The following EWSR1 variants were observed in gnomAD, a reference collection of about 807,000 sequenced individuals.
The protein encoded by EWSR1 is EWS RNA binding protein 1.
A neutral mutation model predicts 92.1 loss-of-function variants in EWSR1; 14 were observed. The observed-to-expected ratio is 0.15, with a 90% CI of 0.10 to 0.24. The LOEUF (loss-of-function observed/expected upper bound fraction) is 0.24. EWSR1 is among the 10% of genes least tolerant of loss of function. The pLI, the probability that EWSR1 is intolerant of heterozygous loss-of-function variation, is 1.00. For missense variants in EWSR1, 637 were observed against 870.9 expected, an observed-to-expected ratio of 0.73 and a Z score of 3.38; for synonymous variants, 303 against 292.9, an observed-to-expected ratio of 1.03 and a Z score of -0.35.
chr22:29,293,006 C>T (rs989959373), intron 11 of EWSR1, among the ~76,000 whole-genome samples: 4 of 152,092 alleles, frequency 2.6e-5, no homozygotes, highest in Non-Finnish European at 4.4e-5. Flanking sequence ...CACCTTGGCG[C>T]CTCCCAAAGT....
chr22:29,299,192 T>C, intron 14 of EWSR1, 42 bp from the exon 15 acceptor site: 1 of 1,613,960 alleles, frequency 6.2e-7, no homozygotes, highest in South Asian at 1.1e-5. Flanking sequence ...TTATCTTCCT[T>C]AGTTCAATTG....
In EWSR1 at chr22:29,292,536, T is replaced by C. The variant is rs1327035600; in HGVS notation, c.1094T>C (p.Val365Ala). The change falls in exon 11 of 17, where the codon GTA (valine) becomes GCA (alanine). Residue 365 changes from valine (V) to alanine (A), a missense_variant. Val to Ala is a moderately conservative substitution (Grantham distance 64). Transcript: ENST00000397938. ...DEDSDNSAIYVQGLNDSVTLD... is the reference protein window; with the variant it reads ...DEDSDNSAIYAQGLNDSVTLD... ...GACTCTGACAACAGTGCAATTTATG[T>C]ACAAGGATTAAATGACAGTGTGACT... 3 of 1,613,932 alleles carry C rather than the reference T, an allele frequency of 1.9e-6. No homozygotes were observed. The highest frequency in any genetic ancestry group is 1.7e-5 in the Admixed American group (1 of 60,000).
intron 6 of EWSR1, among the ~76,000 whole-genome samples, chr22:29,284,818 T>A (rs200677851): frequency 6.6e-6 from 1 of 151,108 alleles, no homozygotes; most frequent in Middle Eastern, 3.2e-3. Context: ...TTTTTGTGTG[T>A]GTTTTGTTTT....
intron 4 of EWSR1, chr22:29,275,958 A>G (rs2059085861): frequency 4.4e-6 from 1 of 225,086 alleles, no homozygotes; most frequent in African/African-American, 2.3e-5. Context: ...TCATTAAATC[A>G]TTTTGCTCTG....
At position 29,272,162 on chromosome 22, in the gene EWSR1, CTT is replaced by C. The variant is rs1408486238; in HGVS notation, c.14-53_14-52del. ...CGTGAATTCTTTCCCCCTTTTTTCT[CTT>C]CTCCTTGTTTCTGCTAACTTTACAC... On this transcript the variant is annotated intron_variant, in intron 1 of 16. Coordinates refer to ENST00000397938, the MANE Select transcript of EWSR1 (RefSeq NM_005243.4). 5.2e-6 allele frequency: 8 copies of C among 1,534,158 alleles called. No homozygotes were observed. The African/African-American group carries it at 9.6e-5, about 19-fold the overall frequency.
chr22:29,269,752 C>T (rs1234949306), intron 1 of EWSR1: 1 of 152,234 alleles, frequency 6.6e-6, no homozygotes, highest in African/African-American at 2.4e-5. Flanking sequence ...CAGCTAACCT[C>T]CCGGTGGGAA....
intron 1 of EWSR1, among the ~76,000 whole-genome samples, 162 bp downstream of exon 1, chr22:29,268,511 C>T (rs1390887643): frequency 1.3e-5 from 2 of 152,204 alleles, no homozygotes; most frequent in African/African-American, 2.4e-5. Flanking sequence ...TTCCTCTCCC[C>T]TCCCCCAACC....
rs111728672 is a variant in EWSR1, at chr22:29,280,363, C to G, written c.414-2027C>G. On this transcript the variant is annotated intron_variant, in intron 5 of 16. Coordinates refer to ENST00000397938, the MANE Select transcript of EWSR1 (RefSeq NM_005243.4). ...GATTACAGGTGTGAGCCACCGCACC[C>G]GGCCTGCCTGTTGATTCTTTGGACT... is the stretch of plus-strand genomic sequence containing the variant. 5.2e-3 allele frequency among the ~76,000 whole-genome samples: 797 copies of G among 152,242 alleles called. 6 individuals are homozygous for G. The highest frequency in any genetic ancestry group is 0.018 in the African/African-American group (758 of 41,518).
intron 1 of EWSR1, 67 bp from the exon 2 acceptor site, chr22:29,272,149 C>A: frequency 7.0e-7 from 1 of 1,423,322 alleles, no homozygotes; most frequent in Non-Finnish European, 9.9e-7. Context: ...TGAATTCTTT[C>A]CCCCTTTTTT....
chr22:29,275,907 C>A, intron 4 of EWSR1: 1 of 227,694 alleles, frequency 4.4e-6, no homozygotes, highest in Non-Finnish European at 8.6e-6. Context: ...CTTTTTTTGC[C>A]ACTGGTCTTT....
rs2060517259 is a variant in EWSR1 at position 29,292,610 on chromosome 22, A to G, written c.1164+4A>G. ...TAAGCAGTGTGGGGTTGTTAAGGTC[A>G]GTAAAAGCATAACCAGGTCATCTGG... On this transcript the variant is annotated splice_donor_region_variant and intron_variant, in intron 11 of 16. Coordinates refer to ENST00000397938, the MANE Select transcript of EWSR1 (RefSeq NM_005243.4). 1 of 1,577,306 alleles carries G rather than the reference A, an allele frequency of 6.3e-7. No individual in the cohort carries two copies. Among genetic ancestry groups the G allele is most frequent in the Non-Finnish European group, 8.7e-7 (1 of 1,147,196 alleles).
intron 7 of EWSR1, 123 bp from the exon 8 acceptor site, chr22:29,288,483 T>G: frequency 1.2e-6 from 1 of 848,970 alleles, no homozygotes; most frequent in Non-Finnish European, 1.8e-6. Context: ...TTTATCGTGA[T>G]GTAAAGAAGA....
Position 29,268,318 on chromosome 22 carries a change from C to G in EWSR1, c.-19C>G, listed in dbSNP as rs201886504. ...GAGAGGGAGACGGACGTTGAGAGAA[C>G]GAGGAGGAAGGAGAGAAAATGGCGT... On this transcript the variant is annotated 5_prime_UTR_variant, in exon 1 of 17. Coordinates refer to ENST00000397938, the MANE Select transcript of EWSR1 (RefSeq NM_005243.4). 375 of 1,613,668 alleles carry G rather than the reference C, an allele frequency of 2.3e-4. 1 individual carries two copies. Among genetic ancestry groups the G allele is most frequent in the Non-Finnish European group, 3.0e-4 (354 of 1,179,606 alleles).
At chr22:29,296,027 T>C in intron 11 of EWSR1, 1 of 521,418 alleles carries the variant, frequency 1.9e-6, no homozygotes, top group East Asian at 3.4e-5. Flanking sequence ...TCCTGTTCAC[T>C]TCCACACTTT....
chr22:29,285,984 C>T (rs573952806), intron 6 of EWSR1, among the ~76,000 whole-genome samples: 10 of 151,810 alleles, frequency 6.6e-5, no homozygotes, highest in African/African-American at 2.2e-4. Flanking sequence ...ACTACAGGCG[C>T]CCACCACCAG....
At chr22:29,291,437 G>A (rs2060434288) in intron 8 of EWSR1, 125 bp from the exon 9 acceptor site, 2 of 853,332 alleles carry the variant, frequency 2.3e-6, no homozygotes, top group South Asian at 1.9e-5. Context: ...GTGACAAGAT[G>A]AGAGAGATGC....
chr22:29,277,016 G>A (rs1161383090), intron 4 of EWSR1: 1 of 230,770 alleles, frequency 4.3e-6, no homozygotes, highest in Non-Finnish European at 8.6e-6. Context: ...TACAGGAAAG[G>A]TACTCTAGTT....
In EWSR1 at chr22:29,272,383, C is replaced by T. The variant is rs1269712763; in HGVS notation, c.54C>T (p.Tyr18=). Residue 18 remains tyrosine (Y), a synonymous_variant, in exon 3 of 17, where the codon TAC becomes TAT. Transcript: ENST00000397938. ...TYSQAAAQQG[Y]SAYTAQPTQG... The stretch of plus-strand genomic sequence containing the variant: ...ATTGCATTTAATTCTTTTGCAGCTA[C>T]AGTGCTTACACCGCCCAGCCCACTC... 10 of 1,613,536 alleles carry T rather than the reference C, an allele frequency of 6.2e-6. No individual in the cohort carries two copies. Among genetic ancestry groups the T allele is most frequent in the Non-Finnish European group, 6.8e-6 (8 of 1,180,006 alleles).
chr22:29,290,522 G>A (rs1289864587), intron 8 of EWSR1: 1 of 1,603,652 alleles, frequency 6.2e-7, no homozygotes, highest in Non-Finnish European at 8.5e-7. Context: ...TCCATATGGA[G>A]AGGAAAAATA....
Sources: allele counts gnomAD v4.1 joint callset (sites outside exome capture counted in the v4.1 genomes callset), GRCh38; gene constraint gnomAD v4.1.1; transcripts MANE v1.5; gene names NCBI Gene and HGNC (gene_info 2026-07-23, HGNC 2026-07-21).